KNOP1: variants seen among roughly 807,000 people sequenced by gnomAD.
KNOP1 encodes lysine-rich nucleolar protein 1.
In KNOP1, 20 loss-of-function variants were observed where a neutral mutation model predicts 30.6. The ratio of observed to expected loss-of-function variants is 0.65; its 90% confidence interval spans 0.46 to 0.95. KNOP1 has a LOEUF of 0.95. Ranked by LOEUF, KNOP1 falls within the 40% of genes least tolerant of loss-of-function variation. The probability of loss-of-function intolerance (pLI) is 0.00; values close to 1 mark genes in which losing one functional copy is unlikely to be tolerated. For synonymous variants in KNOP1, 204 were observed against 210.0 expected (o/e 0.97, Z 0.25); for missense variants, 540 against 562.0 (o/e 0.96, Z 0.40).
chr16:19,714,696 T>C lies in KNOP1; in HGVS notation c.340A>G (p.Lys114Glu). The C allele has an allele frequency of 6.2e-7, 1 of 1,614,160 alleles. No individual in the cohort carries two copies. The change falls in exon 2 of 5, where the codon AAG becomes GAG. Residue 114 changes from lysine (K) to glutamate (E), a missense_variant. By Grantham distance (56) the Lys-to-Glu change is moderately conservative (BLOSUM62 1). Coordinates refer to ENST00000219837, the MANE Select transcript of KNOP1 (RefSeq NM_001012991.3). ...GCTAGAGGTGACTTCTTATTTTTCTTTTCCCCACTGAGGAACTCCAAGTGG... is the reference window on the plus strand; with the variant it reads ...GCTAGAGGTGACTTCTTATTTTTCTCTTCCCCACTGAGGAACTCCAAGTGG... ...FGHLEFLSGE[K>E]KNKKSPLAMS...
At chr16:19,710,658 G>GACGGGGCTGGGGGA in intron 3 of KNOP1, 72 bp from the exon 4 acceptor site, 1 of 1,292,656 alleles carries the variant, frequency 7.7e-7, no homozygotes, top group Admixed American at 1.7e-5. Flanking sequence ...CCAGGACAGA[G>GACGGGGCTGGGGGA]ACGGGGCTGG....
In KNOP1 at chr16:19,704,963, C is replaced by T. The variant is rs1302551481; in HGVS notation, c.*1947G>A. 2.9e-6 allele frequency: 1 copy of T among 344,774 alleles called. No individual in the cohort carries two copies. The highest frequency in any genetic ancestry group is 2.2e-5 in the African/African-American group (1 of 46,464). 21.4% of individuals were successfully genotyped at this position (344,774 alleles called of 1,614,324 possible). A position where few individuals can be genotyped will look rare whatever the true frequency, so the allele number is the denominator to read the frequency against. Reference sequence around the variant, plus strand: ...GCTGTGGACACCATGGCCACTTCACCAGCATCCACTCTTCTTGACTGAAGG... The same window carrying T: ...GCTGTGGACACCATGGCCACTTCACTAGCATCCACTCTTCTTGACTGAAGG... On this transcript the variant is annotated 3_prime_UTR_variant, in exon 5 of 5. Transcript: ENST00000219837.
rs1429792604 is a variant in KNOP1, at chr16:19,708,222, A to G, written c.1066-1001T>C. Among the ~76,000 whole-genome samples the G allele has an allele frequency of 2.0e-5, 3 of 151,668 alleles. No individual in the cohort carries two copies. In the East Asian group the frequency reaches 5.9e-4, roughly 30 times the overall value. ...GGCCCACAGGGGTAAAAGGTCACAC[A>G]GCCAAGTCAGACTGAGCCAAGCCCA... On this transcript the variant is annotated intron_variant, in intron 4 of 4. Coordinates refer to ENST00000219837, the MANE Select transcript of KNOP1 (RefSeq NM_001012991.3).
At chr16:19,716,299 C>T (rs1977068066) in intron 1 of KNOP1, among the ~76,000 whole-genome samples, 1 of 152,186 alleles carries the variant, frequency 6.6e-6, no homozygotes, top group African/African-American at 2.4e-5. Flanking sequence ...AAACACCACC[C>T]ATCAAGAAGC....
chr16:19,707,784 C>T (rs1336479126), intron 4 of KNOP1, among the ~76,000 whole-genome samples: 1 of 132,904 alleles, frequency 7.5e-6, no homozygotes, highest in African/African-American at 2.9e-5. Context: ...CACCTCCTCC[C>T]ACCACGCTAC....
chr16:19,717,514 G>T (rs893951052), intron 1 of KNOP1: 1 of 985,296 alleles, frequency 1.0e-6, no homozygotes, highest in Non-Finnish European at 1.2e-6. Flanking sequence ...CCACCGGGAG[G>T]TTGCGGGTCA....
chr16:19,712,652 G>T (rs539049139), intron 2 of KNOP1, among the ~76,000 whole-genome samples: 67 of 152,314 alleles, frequency 4.4e-4, no homozygotes, highest in African/African-American at 1.5e-3. Flanking sequence ...TACCTCACCA[G>T]ACAGGTAGGA....
intron 3 of KNOP1, 131 bp downstream of exon 3, chr16:19,711,241 T>G (rs1976703148): frequency 1.2e-6 from 1 of 838,890 alleles, no homozygotes; most frequent in Admixed American, 2.1e-5. Flanking sequence ...CGTTGGCAGC[T>G]GGCCCAGTGG....
chr16:19,708,198 G>A (rs1448237546), intron 4 of KNOP1, among the ~76,000 whole-genome samples: 3 of 151,592 alleles, frequency 2.0e-5, no homozygotes, highest in African/African-American at 7.3e-5. Context: ...ACGGGTGCGG[G>A]CCCACAGGGG....
chr16:19,712,612 G>T lies in KNOP1; in HGVS notation c.919-1172C>A, dbSNP rs1597470108. Among the ~76,000 whole-genome samples the T allele has an allele frequency of 2.6e-5, 4 of 152,312 alleles. No homozygotes were observed. The East Asian group carries it at 7.7e-4, about 29-fold the overall frequency. On this transcript the variant is annotated intron_variant, in intron 2 of 4. Transcript: ENST00000219837. ...TAAGTCTCTGGAGCCTCAGTTTCCT[G>T]ATCTGTCAAATGGGGGTGCCCACAG... is the stretch of plus-strand genomic sequence containing the variant.
rs1453898720 is a variant in KNOP1, at chr16:19,718,153, C to A, written c.-3+5G>T. ...GGCCCGCCTGCAACGCGCCCTGGCA[C>A]TCACCGGTGGGCGAAATTTCCCCGC... On this transcript the variant is annotated splice_donor_5th_base_variant and intron_variant, in intron 1 of 4. Coordinates refer to ENST00000219837, the MANE Select transcript of KNOP1 (RefSeq NM_001012991.3). 1.4e-6 allele frequency: 2 copies of A among 1,475,114 alleles called. No homozygotes were observed. The highest frequency in any genetic ancestry group is 1.8e-6 in the Non-Finnish European group (2 of 1,118,084). The allele number at this position is 1,475,114 out of a possible 1,614,324, so 91.4% of individuals were successfully genotyped here.
In KNOP1 at chr16:19,702,650, T is replaced by C. The variant is rs1976208727; in HGVS notation, c.*4260A>G. The C allele has an allele frequency of 6.6e-6, 1 of 152,162 alleles. No individual in the cohort carries two copies. Among genetic ancestry groups the C allele is most frequent in the African/African-American group, 2.4e-5 (1 of 41,438 alleles). The allele number at this position is 152,162 out of a possible 1,614,324, so 9.4% of individuals were successfully genotyped here. A position where few individuals can be genotyped will look rare whatever the true frequency, so the allele number is the denominator to read the frequency against. On this transcript the variant is annotated 3_prime_UTR_variant, in exon 5 of 5. Coordinates refer to ENST00000219837, the MANE Select transcript of KNOP1 (RefSeq NM_001012991.3). ...ACTGGTCTATGTGAGATGAAGTCTATCATTAGCAAGGATGGAGCAATAAGA... is the reference window on the plus strand; with the variant it reads ...ACTGGTCTATGTGAGATGAAGTCTACCATTAGCAAGGATGGAGCAATAAGA...
chr16:19,711,834 C>T, intron 2 of KNOP1: 1 of 257,954 alleles, frequency 3.9e-6, no homozygotes, highest in South Asian at 5.5e-5. Context: ...AGGCCAAGGA[C>T]CACACTAACA....
intron 4 of KNOP1, among the ~76,000 whole-genome samples, chr16:19,707,808 C>A: frequency 7.6e-6 from 1 of 131,086 alleles, no homozygotes. Flanking sequence ...GCACACTCTC[C>A]CCCTACCATC....
intron 4 of KNOP1, among the ~76,000 whole-genome samples, chr16:19,708,002 T>C (rs926808046): frequency 3.3e-5 from 4 of 120,472 alleles, no homozygotes; most frequent in Non-Finnish European, 6.9e-5. Flanking sequence ...CCACCATGCA[T>C]CTCACAAGAC....
In KNOP1 at chr16:19,705,941, C is replaced by T. The variant is rs181961011; in HGVS notation, c.*969G>A. On this transcript the variant is annotated 3_prime_UTR_variant, in exon 5 of 5. Transcript: ENST00000219837. ...ATCTGCCATTGATTCATTTGCGGGA[C>T]TAACCACTCTTCCTAAAATGCCTTG... 4.9e-4 allele frequency: 74 copies of T among 152,370 alleles called. No homozygotes were observed. The highest frequency in any genetic ancestry group is 1.7e-3 in the African/African-American group (71 of 41,570). The allele number at this position is 152,370 out of a possible 1,614,324, so 9.4% of individuals were successfully genotyped here. A position where few individuals can be genotyped will look rare whatever the true frequency, so the allele number is the denominator to read the frequency against.
chr16:19,709,774 C>A (rs1397506840), intron 4 of KNOP1, among the ~76,000 whole-genome samples: 1 of 152,230 alleles, frequency 6.6e-6, no homozygotes, highest in African/African-American at 2.4e-5. Context: ...CCAGCCCTCG[C>A]CCATCTGTTG....
intron 2 of KNOP1, chr16:19,711,750 C>T (rs990334291): frequency 1.5e-5 from 6 of 396,502 alleles, no homozygotes; most frequent in African/African-American, 1.2e-4. Context: ...ATCTCCTGAC[C>T]CAGGGCTTGG....
At chr16:19,711,214 C>A (rs530108320) in intron 3 of KNOP1, among the ~76,000 whole-genome samples, 158 bp downstream of exon 3, 16 of 152,368 alleles carry the variant, frequency 1.1e-4, no homozygotes, top group African/African-American at 3.8e-4. Context: ...GCACGCATTC[C>A]CGGCCCGGGA....
Sources: gnomAD v4.1 joint callset for allele counts (sites outside exome capture counted in the v4.1 genomes callset) on GRCh38, gnomAD v4.1.1 for gene constraint, MANE v1.5 for transcripts, NCBI Gene and HGNC (gene_info 2026-07-23, HGNC 2026-07-21) for gene names.